GRIP1: variants seen among roughly 807,000 people sequenced by gnomAD.
GRIP1 encodes glutamate receptor interacting protein 1.
Under a neutral mutation model 129.9 loss-of-function variants are expected in GRIP1, and 45 were observed. The ratio of observed to expected loss-of-function variants is 0.35; its 90% CI spans 0.27 to 0.44. GRIP1 has a LOEUF of 0.44. GRIP1 is among the 20% of genes least tolerant of loss of function. GRIP1 has a pLI of 1.00. For missense variants in GRIP1, 1,196 were observed against 1,396.8 expected (o/e 0.86, Z 2.29); for synonymous variants, 530 against 520.8 (o/e 1.02, Z -0.24).
chr12:66,918,414 A>C (rs2041161945), intron 1 of GRIP1, among the ~76,000 whole-genome samples: 1 of 152,304 alleles, frequency 6.6e-6, no homozygotes, highest in South Asian at 2.1e-4. Context: ...TCAAATGTTA[A>C]CTTCATCCAA....
intron 1 of GRIP1, among the ~76,000 whole-genome samples, chr12:66,750,081 C>T (rs1450483417): frequency 6.6e-6 from 1 of 152,088 alleles, no homozygotes; most frequent in African/African-American, 2.4e-5. Context: ...ACAGTGTACA[C>T]CATAGGATGT....
intron 1 of GRIP1, among the ~76,000 whole-genome samples, chr12:66,899,454 C>T (rs2040808834): frequency 1.0e-5 from 1 of 96,886 alleles, no homozygotes; most frequent in African/African-American, 6.0e-5. Context: ...TTCTCAAACT[C>T]CTGAACTCAA....
intron 7 of GRIP1, among the ~76,000 whole-genome samples, chr12:66,503,609 G>A (rs1453484656): frequency 3.3e-5 from 5 of 152,146 alleles, no homozygotes; most frequent in Non-Finnish European, 7.3e-5. Context: ...TTTCTTCTGA[G>A]GAGGCAAGAA....
chr12:66,757,346 T>C (rs1271868404), intron 1 of GRIP1, among the ~76,000 whole-genome samples: 1 of 152,216 alleles, frequency 6.6e-6, no homozygotes, highest in African/African-American at 2.4e-5. Context: ...TGTCTTTCTG[T>C]GTCTGGCTTA....
rs1565987809 is a variant in GRIP1 at position 66,723,242 on chromosome 12, TCCTTCCTTCCTTCCTTCCTTCCTTCCTTC to T, written c.-420+80782_-420+80810del. Among the ~76,000 whole-genome samples the T allele has an allele frequency of 6.3e-3, 361 of 57,256 alleles. 25 individuals carry two copies. Among genetic ancestry groups the T allele is most frequent in the African/African-American group, 0.02 (227 of 11,302 alleles). The allele number at this position is 57,256 out of a possible 152,430, so 37.6% of individuals were successfully genotyped here. A position where few individuals can be genotyped will look rare whatever the true frequency, so the allele number is the denominator to read the frequency against. On this transcript the variant is annotated intron_variant, in intron 1 of 4. Transcript: ENST00000538373. The stretch of plus-strand genomic sequence containing the variant: ...TCTTTCTTTCTCTCTCTCTCTCTCT[TCCTTCCTTCCTTCCTTCCTTCCTTCCTTC>T]CTTCCTTCCTTCCTTTCTTTCTTTC...
intron 1 of GRIP1, among the ~76,000 whole-genome samples, chr12:66,862,561 G>T (rs2040130726): frequency 6.6e-6 from 1 of 152,084 alleles, no homozygotes; most frequent in Non-Finnish European, 1.5e-5. Context: ...TGCTCTGAAA[G>T]CCCCTAGGAA....
intron 1 of GRIP1, among the ~76,000 whole-genome samples, chr12:67,020,744 T>C (rs898334478): frequency 1.3e-5 from 2 of 152,158 alleles, no homozygotes; most frequent in Admixed American, 1.3e-4. Context: ...AAACATAATA[T>C]AATTTTTATT....
intron 1 of GRIP1, among the ~76,000 whole-genome samples, chr12:66,723,588 C>CA (rs1472565689): frequency 6.6e-6 from 1 of 152,064 alleles, no homozygotes; most frequent in East Asian, 1.9e-4. Flanking sequence ...GCTAGGATCA[C>CA]AGGCATGAGC....
chr12:66,455,422 G>C lies in GRIP1; in HGVS notation c.1341C>G (p.Asp447Glu), dbSNP rs2058928416. 6.2e-7 allele frequency: 1 copy of C among 1,614,042 alleles called. No individual in the cohort carries two copies. The highest frequency in any genetic ancestry group is 1.3e-5 in the African/African-American group (1 of 74,936). Residue 447 changes from aspartate (D) to glutamate (E), a missense_variant, in exon 11 of 25, where the codon GAC becomes GAG. Physicochemically the swap from Asp to Glu is conservative, Grantham distance 45 (BLOSUM62 2). Transcript: ENST00000359742. ...TMMRRRLKKK[D>E]FKSSLSLASS... ...CATTTCACTTACATGAGCTTTTGAAGTCTTTCTTTTTCAGTCTCCTCCTCA... is the reference window on the plus strand; with the variant it reads ...CATTTCACTTACATGAGCTTTTGAACTCTTTCTTTTTCAGTCTCCTCCTCA...
At chr12:66,379,468 C>T (rs1245463324) in intron 19 of GRIP1, 32 bp from the exon 20 acceptor site, 8 of 1,607,196 alleles carry the variant, frequency 5.0e-6, no homozygotes, top group African/African-American at 1.3e-5. Context: ...AGCATTGGGC[C>T]CAAGGATTAC....
chr12:66,645,786 T>G (rs2032315281), intron 1 of GRIP1, among the ~76,000 whole-genome samples: 4 of 152,194 alleles, frequency 2.6e-5, no homozygotes, highest in Admixed American at 2.6e-4. Flanking sequence ...AAAATTGAAC[T>G]CAGAGAATAA....
At chr12:66,837,388 G>A (rs929305084) in intron 1 of GRIP1, among the ~76,000 whole-genome samples, 3 of 152,112 alleles carry the variant, frequency 2.0e-5, no homozygotes, top group Non-Finnish European at 4.4e-5. Context: ...GACTTCAGAG[G>A]GGAGAAGGTG....
At chr12:66,462,801 CAAAAAAAA>C (rs34456744) in intron 9 of GRIP1, 115 bp downstream of exon 9, 22 of 363,754 alleles carry the variant, frequency 6.0e-5, no homozygotes, top group Non-Finnish European at 9.8e-5. Context: ...GACTCCATCT[CAAAAAAAA>C]AAAAAAAAAA....
intron 7 of GRIP1, among the ~76,000 whole-genome samples, chr12:66,483,573 G>C (rs1427413262): frequency 1.3e-5 from 2 of 152,152 alleles, no homozygotes; most frequent in Admixed American, 6.5e-5. Context: ...TCTGCAGCAG[G>C]CTCACCCTGG....
chr12:66,742,041 CT>C (rs1760869030), intron 1 of GRIP1, among the ~76,000 whole-genome samples: 1 of 152,200 alleles, frequency 6.6e-6, no homozygotes, highest in East Asian at 1.9e-4. Context: ...ACCACTGTAC[CT>C]TTTTCTTCTC....
In GRIP1 at chr12:66,694,169, G is replaced by T. The variant is rs56024457; in HGVS notation, c.-419-63833C>A. Among the ~76,000 whole-genome samples the T allele has an allele frequency of 5.3e-3, 803 of 152,212 alleles. 6 individuals carry two copies. Among genetic ancestry groups the T allele is most frequent in the African/African-American group, 0.017 (724 of 41,516 alleles). Reference sequence around the variant, plus strand: ...GATGAGAATGCCACATACTAGACAGGGGTCCTTGAGGAGTGCACACCTGCA... The same window carrying T: ...GATGAGAATGCCACATACTAGACAGTGGTCCTTGAGGAGTGCACACCTGCA... On this transcript the variant is annotated intron_variant, in intron 1 of 4. Transcript: ENST00000538373.
At chr12:66,679,440 CAACCAA>C (rs2034492785), upstream of GRIP1, among the ~76,000 whole-genome samples, 2 of 34,556 alleles carry the variant, frequency 5.8e-5, no homozygotes, top group East Asian at 8.6e-4. Flanking sequence ...CTTTAAACAA[CAACCAA>C]AAAAAAAAAA....
intron 1 of GRIP1, among the ~76,000 whole-genome samples, chr12:67,024,115 C>T (rs1370777434): frequency 6.9e-6 from 1 of 145,700 alleles, no homozygotes; most frequent in African/African-American, 2.5e-5. Context: ...TCTTTGAATC[C>T]TTTTTTAACA....
At chr12:67,019,047 T>A (rs1405135731) in intron 1 of GRIP1, among the ~76,000 whole-genome samples, 1 of 152,138 alleles carries the variant, frequency 6.6e-6, no homozygotes, top group Non-Finnish European at 1.5e-5. Context: ...AACAGGTTTT[T>A]TCACAAAACA....
Sources: gnomAD v4.1 joint callset for allele counts (sites outside exome capture counted in the v4.1 genomes callset) on GRCh38, gnomAD v4.1.1 for gene constraint, MANE v1.5 for transcripts, NCBI Gene and HGNC (gene_info 2026-07-23, HGNC 2026-07-21) for gene names.